Variants in RIPOR2 observed in about 807,000 individuals in gnomAD.
The protein encoded by RIPOR2 is RHO family interacting cell polarization regulator 2.
In RIPOR2, 39 loss-of-function variants were observed where a neutral mutation model predicts 114.5. That is an observed-to-expected ratio of 0.34 (90% confidence interval 0.26 to 0.44). The LOEUF (loss-of-function observed/expected upper bound fraction) is 0.44. RIPOR2 is among the 20% of genes least tolerant of loss of function. RIPOR2 has a pLI of 1.00. For missense variants in RIPOR2, 1,007 were observed against 1,255.1 expected (o/e 0.80, Z 2.99); for synonymous variants, 445 against 484.4 (o/e 0.92, Z 1.07).
rs539395739 is a variant in RIPOR2, at chr6:24,978,716, G to A, written c.76+63135C>T. 3.9e-5 allele frequency among the ~76,000 whole-genome samples: 6 copies of A among 152,226 alleles called. No homozygotes were observed. In the South Asian group the frequency reaches 1.0e-3, roughly 26 times the overall value. ...AATTCTACTTAGTTGTGAGGCCTTC[G>A]GCAGGATATTTAATCAATCTATCCT... On this transcript the variant is annotated intron_variant, in intron 1 of 13. Transcript: ENST00000510784.
chr6:24,911,119 G>C (rs1482552869), intron 1 of RIPOR2: 4 of 335,486 alleles, frequency 1.2e-5, no homozygotes, highest in African/African-American at 6.7e-5. Context: ...GCGGAGGGGC[G>C]GGAGCCGTGA....
chr6:24,807,549 A>G (rs1286717001), intron 21 of RIPOR2, among the ~76,000 whole-genome samples: 1 of 152,192 alleles, frequency 6.6e-6, no homozygotes, highest in Non-Finnish European at 1.5e-5. Context: ...AGTATTTTCA[A>G]CTTACAACGG....
intron 1 of RIPOR2, among the ~76,000 whole-genome samples, chr6:24,946,326 C>T (rs1183315159): frequency 1.3e-5 from 2 of 152,132 alleles, no homozygotes; most frequent in Non-Finnish European, 2.9e-5. Flanking sequence ...CCACCTGCCT[C>T]GGCCTCTCAA....
chr6:24,821,540 T>C (rs560167733), intron 19 of RIPOR2, among the ~76,000 whole-genome samples: 2 of 152,344 alleles, frequency 1.3e-5, no homozygotes, highest in East Asian at 3.9e-4. Context: ...AGATATGCAG[T>C]ATAGGTTATT....
At position 24,897,926 on chromosome 6, in the gene RIPOR2, A is replaced by G. The variant is rs1427971286; in HGVS notation, c.62-22109T>C. Among the ~76,000 whole-genome samples, 7 of 151,980 alleles carry G rather than the reference A, an allele frequency of 4.6e-5. No individual in the cohort carries two copies. The East Asian group carries it at 1.2e-3, about 26-fold the overall frequency. ...AGGCACGCACCACCATGCCTGGCTG[A>G]GGCAGGAGAATTGCTTGAACCCGGG... On this transcript the variant is annotated intron_variant, in intron 1 of 21. Transcript: ENST00000643898.
intron 1 of RIPOR2, among the ~76,000 whole-genome samples, chr6:24,904,373 T>C (rs1768762032): frequency 6.6e-6 from 1 of 152,250 alleles, no homozygotes; most frequent in South Asian, 2.1e-4. Context: ...AAGTCAGCTA[T>C]GTTCCATCTC....
At chr6:24,888,683 T>G (rs1187749601) in intron 1 of RIPOR2, among the ~76,000 whole-genome samples, 1 of 152,222 alleles carries the variant, frequency 6.6e-6, no homozygotes, top group African/African-American at 2.4e-5. Context: ...TAAATAAAGC[T>G]ACATGCTGTA....
Position 24,924,444 on chromosome 6 carries a change from G to A in RIPOR2, c.61+11394C>T, listed in dbSNP as rs1039550232. On this transcript the variant is annotated intron_variant, in intron 1 of 21. Coordinates refer to ENST00000643898, the MANE Select transcript of RIPOR2 (RefSeq NM_001286445.3). ...AGAAAAGACCCCTTGGACGCTTGCT[G>A]TGTGCTATCTTCTTTCACCTGATTT... Among the ~76,000 whole-genome samples, 9 of 152,302 alleles carry A rather than the reference G, an allele frequency of 5.9e-5. No homozygotes were observed. In the South Asian group the frequency reaches 6.2e-4, roughly 11 times the overall value.
chr6:24,899,696 C>T (rs1403750255), intron 1 of RIPOR2, among the ~76,000 whole-genome samples: 1 of 152,198 alleles, frequency 6.6e-6, no homozygotes, highest in East Asian at 1.9e-4. Context: ...GGATACTTTA[C>T]ATGTGGGCAC....
At chr6:24,928,597 G>T (rs1771143326) in intron 1 of RIPOR2, among the ~76,000 whole-genome samples, 1 of 152,190 alleles carries the variant, frequency 6.6e-6, no homozygotes, top group African/African-American at 2.4e-5. Context: ...TTACGCTGTT[G>T]CTGTGTGAGT....
intron 1 of RIPOR2, among the ~76,000 whole-genome samples, chr6:25,026,183 C>T (rs959849473): frequency 7.2e-5 from 11 of 151,992 alleles, no homozygotes; most frequent in Admixed American, 6.6e-4. Flanking sequence ...TAAAAGGTTT[C>T]TTATTTTTCT....
At chr6:24,912,698 T>C (rs544707466) in intron 1 of RIPOR2, among the ~76,000 whole-genome samples, 45 of 152,246 alleles carry the variant, frequency 3.0e-4, no homozygotes, top group Middle Eastern at 3.4e-3. Context: ...GTACTAATGG[T>C]CTCATAGGAC....
intron 1 of RIPOR2, among the ~76,000 whole-genome samples, chr6:24,940,980 G>T (rs116895410): frequency 0.012 from 1,859 of 152,202 alleles, 22 homozygotes; most frequent in South Asian, 0.033. Context: ...TAGTATTCTT[G>T]TTTTCATGTT....
At chr6:24,976,118 A>G (rs1281489249) in intron 1 of RIPOR2, among the ~76,000 whole-genome samples, 4 of 152,200 alleles carry the variant, frequency 2.6e-5, no homozygotes, top group Non-Finnish European at 5.9e-5. Context: ...ATGTTAAGAT[A>G]ATTTTTAAAA....
chr6:24,953,646 G>A (rs78624124), intron 1 of RIPOR2, among the ~76,000 whole-genome samples: 2 of 152,192 alleles, frequency 1.3e-5, no homozygotes, highest in South Asian at 2.1e-4. Flanking sequence ...GCTGAAGCGG[G>A]TCACAAGGCT....
chr6:24,818,418 G>A lies in RIPOR2; in HGVS notation c.2952+124C>T, dbSNP rs143443978. The A allele has an allele frequency of 1.0e-3, 532 of 519,810 alleles. 4 individuals are homozygous for A. Among genetic ancestry groups the A allele is most frequent in the African/African-American group, 6.3e-3 (330 of 52,592 alleles). The allele number at this position is 519,810 out of a possible 1,614,324, so 32.2% of individuals were successfully genotyped here. ...AAAAATACTAAAACTAACATACGGTGCAAAGAAGACAAGAAATACTGCTAA... is the reference window on the plus strand; with the variant it reads ...AAAAATACTAAAACTAACATACGGTACAAAGAAGACAAGAAATACTGCTAA... On this transcript the variant is annotated intron_variant, in intron 20 of 21. Transcript: ENST00000643898.
intron 1 of RIPOR2, among the ~76,000 whole-genome samples, chr6:24,915,969 T>C (rs1412468395): frequency 2.0e-5 from 3 of 152,000 alleles, no homozygotes; most frequent in Admixed American, 1.3e-4. Flanking sequence ...CAGGGAAGAG[T>C]CTTGGAAAAA....
chr6:24,828,103 C>T, intron 18 of RIPOR2, 34 bp downstream of exon 18: 4 of 1,482,352 alleles, frequency 2.7e-6, no homozygotes, highest in South Asian at 1.3e-5. Context: ...CAAATTGAGC[C>T]ACCACTACAA....
chr6:25,036,605 C>T (rs1179285308), intron 1 of RIPOR2, among the ~76,000 whole-genome samples: 1 of 152,152 alleles, frequency 6.6e-6, no homozygotes, highest in Non-Finnish European at 1.5e-5. Context: ...TGTTGCCAGG[C>T]TGGTCTCTAA....
Sources: gnomAD v4.1 joint callset for allele counts (sites outside exome capture counted in the v4.1 genomes callset) on GRCh38, gnomAD v4.1.1 for gene constraint, MANE v1.5 for transcripts, NCBI Gene and HGNC (gene_info 2026-07-23, HGNC 2026-07-21) for gene names.